Variants in ANKRD30A observed in about 807,000 individuals in gnomAD.
ANKRD30A encodes ankyrin repeat domain 30A, also known as ankyrin repeat domain-containing protein 30A.
A neutral mutation model predicts 166.3 loss-of-function variants in ANKRD30A; 170 were observed. The ratio of observed to expected loss-of-function variants is 1.02; its 90% CI spans 0.90 to 1.16. The LOEUF is 1.16. ANKRD30A is among the 50% of genes most tolerant of loss of function. The pLI is 0.00. For missense variants in ANKRD30A, 1,630 were observed against 1,518.0 expected, an observed-to-expected ratio of 1.07 and a Z score of -1.23; for synonymous variants, 564 against 508.9, an observed-to-expected ratio of 1.11 and a Z score of -1.46.
At chr10:37,129,854 T>C (rs756001489) in intron 1 of ANKRD30A, 39 bp from the exon 2 acceptor site, 3 of 1,298,996 alleles carry the variant, frequency 2.3e-6, no homozygotes, top group Non-Finnish European at 3.1e-6. Context: ...TTTGGGACAG[T>C]GGACTAAACT....
chr10:37,206,616 C>G, intron 31 of ANKRD30A, among the ~76,000 whole-genome samples: 1 of 151,994 alleles, frequency 6.6e-6, no homozygotes, highest in Non-Finnish European at 1.5e-5. Flanking sequence ...ATGGTGAAAC[C>G]CAGTCTCTAC....
intron 6 of ANKRD30A, among the ~76,000 whole-genome samples, chr10:37,138,928 G>T (rs1180131416): frequency 1.3e-5 from 2 of 152,150 alleles, no homozygotes; most frequent in South Asian, 4.1e-4. Context: ...ATAATTGGCA[G>T]ATTCACCAAA....
At chr10:37,208,556 T>C (rs565783463) in intron 31 of ANKRD30A, among the ~76,000 whole-genome samples, 1 of 152,258 alleles carries the variant, frequency 6.6e-6, no homozygotes, top group Admixed American at 6.5e-5. Context: ...GGAAATGATG[T>C]AGGCTTCTTG....
intron 6 of ANKRD30A, among the ~76,000 whole-genome samples, chr10:37,137,989 G>C (rs530616525): frequency 6.6e-6 from 1 of 152,278 alleles, no homozygotes; most frequent in East Asian, 1.9e-4. Context: ...AGTAGGGGCA[G>C]ACTGACACCT....
At chr10:37,192,871 CA>C (rs1186757086) in intron 25 of ANKRD30A, among the ~76,000 whole-genome samples, 192 bp from the exon 26 acceptor site, 1 of 151,818 alleles carries the variant, frequency 6.6e-6, no homozygotes, top group East Asian at 1.9e-4. Context: ...ATCTAGTTTT[CA>C]AATTGTCTTA....
intron 27 of ANKRD30A, among the ~76,000 whole-genome samples, chr10:37,194,831 G>A (rs762549855): frequency 1.3e-5 from 2 of 152,092 alleles, no homozygotes; most frequent in African/African-American, 2.4e-5. Context: ...ACTAAAAGTC[G>A]AAATTAAATG....
intron 7 of ANKRD30A, among the ~76,000 whole-genome samples, chr10:37,144,753 A>G (rs1371584094): frequency 6.6e-6 from 1 of 152,160 alleles, no homozygotes; most frequent in African/African-American, 2.4e-5. Flanking sequence ...GAAATAATTA[A>G]TACAAATTAA....
At chr10:37,162,161 T>A (rs944678350) in intron 15 of ANKRD30A, among the ~76,000 whole-genome samples, 3 of 152,148 alleles carry the variant, frequency 2.0e-5, no homozygotes, top group Non-Finnish European at 4.4e-5. Context: ...CAAATATTCA[T>A]ATTTAGTGTT....
intron 15 of ANKRD30A, among the ~76,000 whole-genome samples, chr10:37,158,815 A>G (rs1838594526): frequency 2.0e-5 from 3 of 152,170 alleles, no homozygotes; most frequent in Non-Finnish European, 4.4e-5. Context: ...CTACTTTAAT[A>G]TCCTGATAGT....
chr10:37,250,931 C>T, the ANKRD30A span, among the ~76,000 whole-genome samples: 5 of 152,238 alleles, frequency 3.3e-5, no homozygotes, highest in African/African-American at 4.8e-5. Context: ...AATCAAAACA[C>T]ACCTCTACAC....
At chr10:37,192,446 G>T (rs182906061) in intron 25 of ANKRD30A, among the ~76,000 whole-genome samples, 1 of 151,996 alleles carries the variant, frequency 6.6e-6, no homozygotes, top group East Asian at 1.9e-4. Context: ...GAAAATACTC[G>T]TATTTCTCAG....
At chr10:37,137,268 G>A (rs747237400) in intron 6 of ANKRD30A, among the ~76,000 whole-genome samples, 3 of 152,174 alleles carry the variant, frequency 2.0e-5, no homozygotes, top group Non-Finnish European at 4.4e-5. Flanking sequence ...AATAGGAACA[G>A]CTCCAGTCTA....
In ANKRD30A at chr10:37,219,551, T is replaced by C; in HGVS notation, c.3839T>C (p.Val1280Ala). 6.2e-7 allele frequency: 1 copy of C among 1,610,234 alleles called. No individual in the cohort carries two copies. The highest frequency in any genetic ancestry group is 8.5e-7 in the Non-Finnish European group (1 of 1,177,664). Residue 1280 changes from valine (V) to alanine (A), a missense_variant, in exon 34 of 36, where the codon GTT becomes GCT. Val to Ala is a moderately conservative substitution (Grantham distance 64). Around this residue, in one of 4 missense-constraint regions of ANKRD30A, gnomAD observed 712 missense variants for 629.3 expected, o/e 1.13. Transcript: ENST00000361713. The part of the protein sequence containing the change: ...AGDALRENTL[V>A]SEHAQRDQRE... The stretch of plus-strand genomic sequence containing the variant: ...GATGCTCTAAGAGAAAATACATTGG[T>C]TTCAGAACATGCACAAAGAGACCAA...
At chr10:37,159,534 AC>A (rs1371853538) in intron 15 of ANKRD30A, among the ~76,000 whole-genome samples, 12 of 152,180 alleles carry the variant, frequency 7.9e-5, no homozygotes, top group African/African-American at 2.9e-4. Flanking sequence ...AAATAAAAAA[AC>A]AAAAACTCAC....
chr10:37,252,179 G>A, the ANKRD30A span, among the ~76,000 whole-genome samples: 36 of 152,152 alleles, frequency 2.4e-4, no homozygotes, highest in African/African-American at 7.0e-4. Context: ...TTTAGAGGGA[G>A]GTGATGGAAA....
At chr10:37,220,029 A>ATATATATATATATATATATATATATATG (rs1366777838) in intron 34 of ANKRD30A, 132 bp downstream of exon 34, 1 of 148,444 alleles carries the variant, frequency 6.7e-6, no homozygotes, top group Non-Finnish European at 1.2e-5. Context: ...ATATATATAT[A>ATATATATATATATATATATATATATATG]ATATATGTAT....
chr10:37,172,059 A>C (rs1300992315), intron 21 of ANKRD30A, among the ~76,000 whole-genome samples: 5 of 142,586 alleles, frequency 3.5e-5, no homozygotes, highest in African/African-American at 1.1e-4. Context: ...TATTTAAAAA[A>C]TGGTGACCGG....
intron 15 of ANKRD30A, among the ~76,000 whole-genome samples, 188 bp downstream of exon 15, chr10:37,158,774 GA>G (rs112109211): frequency 1.3e-5 from 2 of 151,998 alleles, no homozygotes; most frequent in East Asian, 3.9e-4. Flanking sequence ...TAGAGATTTA[GA>G]AAAAAAATTC....
intron 31 of ANKRD30A, among the ~76,000 whole-genome samples, chr10:37,209,296 G>C (rs1842154246): frequency 6.6e-6 from 1 of 152,194 alleles, no homozygotes; most frequent in South Asian, 2.1e-4. Flanking sequence ...GATTTCATTG[G>C]CGCACAGTTC....
Sources: allele counts gnomAD v4.1 joint callset (sites outside exome capture counted in the v4.1 genomes callset), GRCh38; gene constraint gnomAD v4.1.1; regional missense constraint gnomAD v4.1.1; transcripts MANE v1.5; gene names NCBI Gene and HGNC (gene_info 2026-07-23, HGNC 2026-07-21).